GRM6: variants seen among roughly 807,000 people sequenced by gnomAD.
The protein encoded by GRM6 is metabotropic glutamate receptor 6.
In GRM6, 73 loss-of-function variants were observed where a neutral mutation model predicts 78.4. That is an observed-to-expected ratio of 0.93 (90% confidence interval 0.77 to 1.13). The LOEUF (loss-of-function observed/expected upper bound fraction) is 1.13, where lower values mean the gene tolerates loss of function less well. GRM6 is among the 50% of genes most tolerant of loss of function. GRM6 has a pLI of 0.00. For synonymous variants in GRM6, 580 were observed against 555.0 expected, an observed-to-expected ratio of 1.05 and a Z score of -0.63; for missense variants, 1,251 against 1,256.4, an observed-to-expected ratio of 1.00 and a Z score of 0.07.
chr5:178,981,482 G>A lies in GRM6; in HGVS notation c.*175C>T, dbSNP rs1443573384. 11 of 598,064 alleles carry A rather than the reference G, an allele frequency of 1.8e-5. No individual in the cohort carries two copies. Among genetic ancestry groups the A allele is most frequent in the South Asian group, 1.0e-4 (5 of 49,706 alleles). 37.0% of individuals were successfully genotyped at this position (598,064 alleles called of 1,614,324 possible). A position where few individuals can be genotyped will look rare whatever the true frequency, so the allele number is the denominator to read the frequency against. On this transcript the variant is annotated 3_prime_UTR_variant, in exon 11 of 11. Coordinates refer to ENST00000517717, the MANE Select transcript of GRM6 (RefSeq NM_000843.4). The surrounding 1 kb of genome is among the most constrained non-coding windows in gnomAD (Gnocchi z 5.1). The stretch of plus-strand genomic sequence containing the variant: ...AGCATGAAGCTCACATGCTGGAATC[G>A]GGGTAGAGCTGGGTCCAGTTCCTTC...
chr5:178,986,883 G>C lies in GRM6; in HGVS notation c.1455C>G (p.Gly485=), dbSNP rs149519053. 6.2e-7 allele frequency: 1 copy of C among 1,614,112 alleles called. No homozygotes were observed. Among genetic ancestry groups the C allele is most frequent in the Non-Finnish European group, 8.5e-7 (1 of 1,180,016 alleles). The stretch of plus-strand genomic sequence containing the variant: ...CCCACTGGCCCACTGCCTGGTACCC[G>C]CCACTGCTGGCACTGCCATTGGTCG... The part of the protein sequence containing the change: ...YQATNGSASS[G]GYQAVGQWAE... The change falls in exon 8 of 11, where the codon GGC becomes GGG. Residue 485 remains glycine (G), a synonymous_variant. Transcript: ENST00000517717.
At chr5:178,984,862 G>T (rs1469962712) in intron 9 of GRM6, among the ~76,000 whole-genome samples, 1 of 152,096 alleles carries the variant, frequency 6.6e-6, no homozygotes, top group African/African-American at 2.4e-5. Context: ...TCGCACTGAG[G>T]CCACCCTCCA....
chr5:178,990,129 C>T (rs528446916), intron 5 of GRM6: 21 of 223,282 alleles, frequency 9.4e-5, no homozygotes, highest in East Asian at 3.2e-4. Context: ...AAGGTGTCCT[C>T]GGTCCAGCCT....
chr5:178,985,347 G>A, intron 9 of GRM6: 1 of 438,172 alleles, frequency 2.3e-6, no homozygotes. Context: ...CAGGGGAGAT[G>A]GCGGCCCTAA....
rs1306353333 is a variant in GRM6, at chr5:178,986,458, G to A, written c.1796C>T (p.Ala599Val). 1.2e-6 allele frequency: 2 copies of A among 1,612,840 alleles called. No individual in the cohort carries two copies. Among genetic ancestry groups the A allele is most frequent in the East Asian group, 2.2e-5 (1 of 44,848 alleles). Residue 599 changes from alanine to valine, a missense_variant, in exon 9 of 11, where the codon GCC becomes GTC. Transcript: ENST00000517717. ...PLLLAVLGIV[A>V]TTTVVATFVR... ...GAAGGTGGCCACCACCGTGGTAGTG[G>A]CCACGATGCCCAGCACGGCCAGGAG...
chr5:178,985,490 T>G (rs552306332), intron 9 of GRM6: 242 of 341,546 alleles, frequency 7.1e-4, no homozygotes, highest in African/African-American at 5.2e-3. Context: ...GATCACGAGG[T>G]CAGGAGATCG....
At position 178,988,967 on chromosome 5, in the gene GRM6, AG is replaced by A; in HGVS notation, c.1321del (p.Leu441PhefsTer18). 1 of 1,613,820 alleles carries A rather than the reference AG, an allele frequency of 6.2e-7. No homozygotes were observed. Among genetic ancestry groups the A allele is most frequent in the Non-Finnish European group, 8.5e-7 (1 of 1,179,970 alleles). ...GCGGACAGCTCGAATGTACTGCAGAAGCATCCGCCCATCAGTGGGTTCCATC... is the reference window on the plus strand; with the variant it reads ...GCGGACAGCTCGAATGTACTGCAGAACATCCGCCCATCAGTGGGTTCCATC... The part of the protein sequence containing the change: ...PAMEPTDGRM[L>X]LQYIRAVRFN... On this transcript the variant is annotated frameshift_variant, in exon 7 of 11. Transcript: ENST00000517717. LOFTEE classifies it high-confidence loss of function. This position sits in a 1 kb window ranked among gnomAD's most constrained non-coding sequence, Gnocchi z 6.0.
At chr5:178,983,350 C>T (rs770478894) in intron 9 of GRM6, 129 bp from the exon 10 acceptor site, 11 of 820,880 alleles carry the variant, frequency 1.3e-5, no homozygotes, top group African/African-American at 3.4e-5. Context: ...TCCACCTCTT[C>T]GTGGTGGCTC....
chr5:178,985,695 T>A (rs1352987728), intron 9 of GRM6: 1 of 371,356 alleles, frequency 2.7e-6, no homozygotes, highest in Admixed American at 3.5e-5. Context: ...ACAGCGAGAC[T>A]CTGTCTAAAA....
intron 9 of GRM6, chr5:178,985,711 A>G (rs1561717064): frequency 2.4e-6 from 1 of 416,846 alleles, no homozygotes. Context: ...TAAAAAAAAA[A>G]AAACAAAACA....
chr5:178,993,276 A>G (rs530559946), intron 2 of GRM6, among the ~76,000 whole-genome samples: 2 of 152,242 alleles, frequency 1.3e-5, no homozygotes, highest in South Asian at 4.1e-4. Context: ...TGAGTCCCCA[A>G]CTGGGCCCCT....
At position 178,983,028 on chromosome 5, in the gene GRM6, C is replaced by T. The variant is rs370201169; in HGVS notation, c.2318G>A (p.Arg773His). The change falls in exon 10 of 11, where the codon CGT becomes CAT. Residue 773 changes from arginine to histidine, a missense_variant. By Grantham distance (29) the Arg-to-His change is conservative (BLOSUM62 0). Coordinates refer to ENST00000517717, the MANE Select transcript of GRM6 (RefSeq NM_000843.4). The part of the protein sequence containing the change: ...VTCTVYAIKA[R>H]GVPETFNEAK... The stretch of plus-strand genomic sequence containing the variant: ...CTCGTTGAAGGTCTCGGGCACGCCA[C>T]GGGCCTTGATGGCGTACACTGTGCA... The T allele has an allele frequency of 2.8e-5, 45 of 1,613,874 alleles. No individual in the cohort carries two copies. The highest frequency in any genetic ancestry group is 4.5e-5 in the East Asian group (2 of 44,898).
chr5:178,987,365 T>C (rs775404596), intron 7 of GRM6: 1 of 470,306 alleles, frequency 2.1e-6, no homozygotes, highest in South Asian at 1.5e-5. Context: ...TACAGCCACG[T>C]TCACAGCAGC....
chr5:178,994,112 T>C (rs1760730153), intron 2 of GRM6, among the ~76,000 whole-genome samples: 2 of 152,102 alleles, frequency 1.3e-5, no homozygotes, highest in South Asian at 4.1e-4. Context: ...TGCAGGGGTG[T>C]GCCCAGAACA....
Position 178,986,289 on chromosome 5 carries a change from G to C in GRM6, c.1965C>G (p.Leu655=), listed in dbSNP as rs1760544341. Residue 655 remains leucine, a synonymous_variant, in exon 9 of 11, where the codon CTC becomes CTG. Coordinates refer to ENST00000517717, the MANE Select transcript of GRM6 (RefSeq NM_000843.4). ...TGAGGGTCGTGCCCAGGCCCAGGAAGAGCCTGCGGGCGGCACAGACCGCGG... is the reference window on the plus strand; with the variant it reads ...TGAGGGTCGTGCCCAGGCCCAGGAACAGCCTGCGGGCGGCACAGACCGCGG... The part of the protein sequence containing the change: ...PGAAVCAARR[L]FLGLGTTLSY... The C allele has an allele frequency of 1.9e-6, 3 of 1,614,062 alleles. No homozygotes were observed. Among genetic ancestry groups the C allele is most frequent in the Non-Finnish European group, 2.5e-6 (3 of 1,179,992 alleles).
In GRM6 at chr5:178,985,628, G is replaced by A. The variant is rs570990082; in HGVS notation, c.2124+502C>T. The A allele has an allele frequency of 1.5e-3, 540 of 370,270 alleles. 2 individuals carry two copies. The highest frequency in any genetic ancestry group is 2.1e-3 in the Non-Finnish European group (399 of 188,820). The allele number at this position is 370,270 out of a possible 1,614,324, so 22.9% of individuals were successfully genotyped here. On this transcript the variant is annotated intron_variant, in intron 9 of 10. Transcript: ENST00000517717. ...TGAGGCAGGAGAATGGCGTGAACCC[G>A]GAAGGCAGAGCTTGCAGGGAGCTGA...
At position 178,991,342 on chromosome 5, in the gene GRM6, G is replaced by A. The variant is rs1760667711; in HGVS notation, c.857+82C>T. The A allele has an allele frequency of 1.6e-6, 2 of 1,289,256 alleles. No individual in the cohort carries two copies. Among genetic ancestry groups the A allele is most frequent in the Non-Finnish European group, 1.1e-6 (1 of 888,244 alleles). The allele number at this position is 1,289,256 out of a possible 1,614,324, so 79.9% of individuals were successfully genotyped here. A position where few individuals can be genotyped will look rare whatever the true frequency, so the allele number is the denominator to read the frequency against. On this transcript the variant is annotated intron_variant, in intron 4 of 10. Coordinates refer to ENST00000517717, the MANE Select transcript of GRM6 (RefSeq NM_000843.4). The surrounding 1 kb of genome is among the most constrained non-coding windows in gnomAD (Gnocchi z 5.0). ...CAGGGGAAAGGGAGGCAGGGAGAGT[G>A]TGTAAGGTGGCGATGTGCAAGAGGA...
chr5:178,978,411 ATAAAT>A lies in GRM6; in HGVS notation c.*3241_*3245del, dbSNP rs559624691. 2.6e-5 allele frequency: 4 copies of A among 152,358 alleles called. No homozygotes were observed. The highest frequency in any genetic ancestry group is 2.1e-4 in the South Asian group (1 of 4,830). The allele number at this position is 152,358 out of a possible 1,614,324, so 9.4% of individuals were successfully genotyped here. ...CTCTTTACAGTAAGCAATGAATGTAATAAATTAAAGGGAAATTTCTAAAGAGCAAA... is the reference window on the plus strand; with the variant it reads ...CTCTTTACAGTAAGCAATGAATGTAATAAAGGGAAATTTCTAAAGAGCAAA... On this transcript the variant is annotated 3_prime_UTR_variant, in exon 11 of 11. Transcript: ENST00000517717.
rs1760653619 is a variant in GRM6, at chr5:178,990,679, A to G, written c.925T>C (p.Trp309Arg). The change falls in exon 5 of 11, where the codon TGG (tryptophan) becomes CGG (arginine). Residue 309 changes from tryptophan to arginine, a missense_variant. By Grantham distance (101) the Trp-to-Arg change is moderately radical. Transcript: ENST00000517717. ...AAGATGGGTGAGGTCTTGGCTCCCC[A>G]GCTGTCTGAGCCGACCCACAGGAAG... ...GHFLWVGSDS[W>R]GAKTSPILSL... 1 of 1,604,180 alleles carries G rather than the reference A, an allele frequency of 6.2e-7. No homozygotes were observed. Among genetic ancestry groups the G allele is most frequent in the East Asian group, 2.3e-5 (1 of 44,334 alleles).
Sources: allele counts gnomAD v4.1 joint callset (sites outside exome capture counted in the v4.1 genomes callset), GRCh38; gene constraint gnomAD v4.1.1; non-coding constraint Gnocchi (gnomAD v3.1); transcripts MANE v1.5; gene names NCBI Gene and HGNC (gene_info 2026-07-23, HGNC 2026-07-21).